Variants in ZCCHC14 observed in about 807,000 individuals in gnomAD.
ZCCHC14 encodes zinc finger CCHC-type containing 14.
A neutral mutation model predicts 85.0 loss-of-function variants in ZCCHC14; 16 were observed. That is an observed-to-expected ratio of 0.19 (90% confidence interval 0.13 to 0.29). The LOEUF is 0.29. Among genes scored for constraint, ZCCHC14 ranks in the 10% least tolerant of loss-of-function variants. The pLI is 1.00. For synonymous variants in ZCCHC14, 775 were observed against 630.7 expected (o/e 1.23, Z -3.43); for missense variants, 1,303 against 1,443.5 (o/e 0.90, Z 1.58).
intron 1 of ZCCHC14, among the ~76,000 whole-genome samples, chr16:87,466,363 G>A (rs1025090977): frequency 3.3e-5 from 5 of 152,308 alleles, no homozygotes; most frequent in Non-Finnish European, 5.9e-5. Context: ...CAACACTGAC[G>A]GCAGCCTCGG....
intron 3 of ZCCHC14, among the ~76,000 whole-genome samples, chr16:87,426,253 G>C (rs1225470158): frequency 1.3e-5 from 2 of 152,214 alleles, no homozygotes; most frequent in African/African-American, 2.4e-5. Context: ...AGGGGCATGG[G>C]GGCGGGAAGA....
intron 3 of ZCCHC14, among the ~76,000 whole-genome samples, chr16:87,425,491 G>A (rs1326677325): frequency 6.6e-6 from 1 of 151,970 alleles, no homozygotes; most frequent in Non-Finnish European, 1.5e-5. Context: ...TGGGAGAACT[G>A]CTTGAACCCG....
chr16:87,452,077 C>A (rs1910734993), intron 2 of ZCCHC14, among the ~76,000 whole-genome samples: 1 of 152,234 alleles, frequency 6.6e-6, no homozygotes, highest in African/African-American at 2.4e-5. Context: ...GCAGTGTGTA[C>A]TGGACTGGTC....
At chr16:87,418,732 A>T (rs1270227054) in intron 7 of ZCCHC14, 115 bp downstream of exon 7, 3 of 1,078,298 alleles carry the variant, frequency 2.8e-6, no homozygotes, top group African/African-American at 1.6e-5. Flanking sequence ...TCTCAATATC[A>T]TCCAAGACTC....
intron 2 of ZCCHC14, among the ~76,000 whole-genome samples, chr16:87,455,381 G>T (rs1335954658): frequency 2.0e-5 from 3 of 151,840 alleles, no homozygotes; most frequent in South Asian, 2.1e-4. Context: ...GAACAACACA[G>T]TGACAAGAGG....
intron 1 of ZCCHC14, among the ~76,000 whole-genome samples, chr16:87,477,144 AAAC>A (rs1436353462): frequency 0.014 from 1,447 of 103,804 alleles, 55 homozygotes; most frequent in Non-Finnish European, 0.019. Flanking sequence ...AAAAAAAACA[AAAC>A]AAAACCAAAA....
At chr16:87,410,373 C>T in intron 12 of ZCCHC14, 38 bp from the exon 13 acceptor site, 1 of 760,594 alleles carries the variant, frequency 1.3e-6, no homozygotes, top group Non-Finnish European at 2.4e-6. Flanking sequence ...ATTTGAATGA[C>T]TGTAGAATCA....
At position 87,411,906 on chromosome 16, in the gene ZCCHC14, G is replaced by A. The variant is rs1413770988; in HGVS notation, c.2815C>T (p.Leu939=). 9 of 1,592,168 alleles carry A rather than the reference G, an allele frequency of 5.7e-6. No individual in the cohort carries two copies. The highest frequency in any genetic ancestry group is 7.7e-6 in the Non-Finnish European group (9 of 1,171,072). ...GCSGSCGSSG[L]TVSYANYFQH... is the part of the protein sequence containing the mutation. ...AAGTAGTTGGCGTAGCTGACAGTCA[G>A]GCCACTCGAGCCGCAGCTGCCGCTG... The change falls in exon 12 of 13, where the codon CTG becomes TTG. Residue 939 remains leucine (L), a synonymous_variant. Transcript: ENST00000671377.
intron 1 of ZCCHC14, chr16:87,473,401 C>T (rs1044963187): frequency 2.6e-5 from 4 of 152,206 alleles, no homozygotes; most frequent in African/African-American, 9.7e-5. Context: ...CAGGGTTCCA[C>T]CATGTTGGCC....
intron 7 of ZCCHC14, among the ~76,000 whole-genome samples, chr16:87,418,402 C>T (rs949055201): frequency 2.0e-5 from 3 of 152,172 alleles, no homozygotes; most frequent in East Asian, 3.9e-4. Flanking sequence ...AACATCTCCA[C>T]GAGACTCCCT....
At chr16:87,441,404 G>A (rs541055002) in intron 2 of ZCCHC14, among the ~76,000 whole-genome samples, 82 of 152,184 alleles carry the variant, frequency 5.4e-4, no homozygotes, top group African/African-American at 2.0e-3. Context: ...AAGTATTTAT[G>A]TACAAAAATC....
intron 1 of ZCCHC14, among the ~76,000 whole-genome samples, chr16:87,475,656 C>A (rs1422369746): frequency 6.7e-6 from 1 of 149,260 alleles, no homozygotes; most frequent in Non-Finnish European, 1.5e-5. Flanking sequence ...CTGGAGGTAA[C>A]AGAAGACTCA....
rs1251303781 is a variant in ZCCHC14, at chr16:87,412,127, G to A, written c.2594C>T (p.Ala865Val). 1.2e-6 allele frequency: 2 copies of A among 1,613,768 alleles called. No homozygotes were observed. The highest frequency in any genetic ancestry group is 1.7e-6 in the Non-Finnish European group (2 of 1,180,044). Residue 865 changes from alanine to valine, a missense_variant, in exon 12 of 13, where the codon GCC becomes GTC. Around this residue, in one of 7 missense-constraint regions of ZCCHC14, gnomAD observed 797 missense variants for 730.8 expected, o/e 1.09. Coordinates refer to ENST00000671377, the MANE Select transcript of ZCCHC14 (RefSeq NM_015144.3). ...GGACAGCGCCGGGCTGGAGCTGGGG[G>A]CTGGGCAGCTGGGCAACGTGGCCAT... The part of the protein sequence containing the change: ...ANMATLPSCP[A>V]PSSSPALSSV...
At chr16:87,460,656 C>G (rs1022126883) in intron 1 of ZCCHC14, among the ~76,000 whole-genome samples, 2 of 152,052 alleles carry the variant, frequency 1.3e-5, no homozygotes, top group Non-Finnish European at 2.9e-5. Flanking sequence ...TGACACTACA[C>G]TCCAGCCTGG....
Position 87,433,160 on chromosome 16 carries a change from T to C in ZCCHC14, c.736A>G (p.Lys246Glu). 3 of 1,614,232 alleles carry C rather than the reference T, an allele frequency of 1.9e-6. No homozygotes were observed. Among genetic ancestry groups the C allele is most frequent in the East Asian group, 2.2e-5 (1 of 44,890 alleles). The change falls in exon 3 of 13, where the codon AAA (lysine) becomes GAA (glutamate). Residue 246 changes from lysine (K) to glutamate (E), a missense_variant. This residue lies in a region of ZCCHC14 where 389 missense variants were observed against 397.8 expected (regional missense o/e 0.98). Transcript: ENST00000671377. ...KIDLKGLSHT[K>E]NDRNVECSFE... The stretch of plus-strand genomic sequence containing the variant: ...GAACATTCAACATTTCTGTCATTTT[T>C]TGTGTGTGATAATCCCTTCAGGTCT...
At chr16:87,481,547 G>GGGGGA (rs1912276020) in intron 1 of ZCCHC14, among the ~76,000 whole-genome samples, 1 of 61,018 alleles carries the variant, frequency 1.6e-5, no homozygotes, top group Non-Finnish European at 3.9e-5. Context: ...GGGGGTGGGG[G>GGGGGA]GGGGGAAGGG....
intron 1 of ZCCHC14, among the ~76,000 whole-genome samples, chr16:87,477,979 A>G (rs1234901269): frequency 2.0e-5 from 3 of 150,652 alleles, no homozygotes; most frequent in Non-Finnish European, 4.4e-5. Context: ...TCCGCTGCCC[A>G]TCATTGCATG....
chr16:87,452,332 C>T (rs1057065857), intron 2 of ZCCHC14, among the ~76,000 whole-genome samples: 11 of 152,118 alleles, frequency 7.2e-5, no homozygotes, highest in Non-Finnish European at 1.3e-4. Context: ...GCTGGGTGGG[C>T]GACTGCATAC....
intron 1 of ZCCHC14, among the ~76,000 whole-genome samples, chr16:87,462,670 GT>G (rs1347475841): frequency 6.6e-6 from 1 of 151,954 alleles, no homozygotes; most frequent in East Asian, 1.9e-4. Context: ...AACCCGGAAG[GT>G]GGAGCTTGCA....
Sources: gnomAD v4.1 joint callset for allele counts (sites outside exome capture counted in the v4.1 genomes callset) on GRCh38, gnomAD v4.1.1 for gene constraint, gnomAD v4.1.1 regional missense constraint, MANE v1.5 for transcripts, NCBI Gene and HGNC (gene_info 2026-07-23, HGNC 2026-07-21) for gene names.